Variants in RFX3 observed in about 807,000 individuals in gnomAD.
RFX3 encodes transcription factor RFX3.
A neutral mutation model predicts 98.6 loss-of-function variants in RFX3; 14 were observed. That is an observed-to-expected ratio of 0.14 (90% CI 0.09 to 0.22). The LOEUF (loss-of-function observed/expected upper bound fraction) is 0.22. Ranked by LOEUF, RFX3 falls within the 10% of genes least tolerant of loss-of-function variation. RFX3 has a pLI of 1.00. For synonymous variants in RFX3, 383 were observed against 328.4 expected (o/e 1.17, Z -1.80); for missense variants, 639 against 926.9 (o/e 0.69, Z 4.03).
chr9:3,266,156 AT>A lies in RFX3; in HGVS notation c.1455+51del, dbSNP rs914039422. Reference sequence around the variant, plus strand: ...TGATAGGATAGATGTAAAGTTCACAATTCAGAATAATTTCCTCAACACAAAA... The same window carrying A: ...TGATAGGATAGATGTAAAGTTCACAATCAGAATAATTTCCTCAACACAAAA... On this transcript the variant is annotated intron_variant, in intron 12 of 16. Coordinates refer to ENST00000617270, the MANE Select transcript of RFX3 (RefSeq NM_001282116.2). 6.4e-6 allele frequency: 7 copies of A among 1,097,740 alleles called. No individual in the cohort carries two copies. In the African/African-American group the frequency reaches 1.1e-4, roughly 17 times the overall value. The allele number at this position is 1,097,740 out of a possible 1,614,324, so 68.0% of individuals were successfully genotyped here. A position where few individuals can be genotyped will look rare whatever the true frequency, so the allele number is the denominator to read the frequency against.
intron 4 of RFX3, among the ~76,000 whole-genome samples, chr9:3,311,374 G>A (rs901602391): frequency 9.2e-5 from 14 of 152,164 alleles, no homozygotes; most frequent in African/African-American, 3.4e-4. Context: ...TGTGATGGCT[G>A]GCATCAGCAT....
rs778103374 is a variant in RFX3 at position 3,293,199 on chromosome 9, A to T, written c.609T>A (p.Thr203=). 6.2e-7 allele frequency: 1 copy of T among 1,612,636 alleles called. No individual in the cohort carries two copies. The highest frequency in any genetic ancestry group is 2.2e-5 in the East Asian group (1 of 44,742). The change falls in exon 6 of 17, where the codon ACT becomes ACA. Residue 203 remains threonine (T), a synonymous_variant. Coordinates refer to ENST00000617270, the MANE Select transcript of RFX3 (RefSeq NM_001282116.2). ...TAEGVSLPRS[T]LYNHYLRHCQ... ...AGTGTCGAAGGTAGTGGTTGTACAG[A>T]GTGCTTCTGGGAAGGCTCACTCCTT...
At chr9:3,363,022 G>A (rs1836635608) in intron 2 of RFX3, among the ~76,000 whole-genome samples, 2 of 152,304 alleles carry the variant, frequency 1.3e-5, no homozygotes, top group South Asian at 4.1e-4. Flanking sequence ...TTCTTACAAA[G>A]TGAGTAGCAT....
chr9:3,426,300 C>T (rs1194405231), intron 1 of RFX3, among the ~76,000 whole-genome samples: 1 of 151,622 alleles, frequency 6.6e-6, no homozygotes, highest in Non-Finnish European at 1.5e-5. Context: ...GTGTAATTAG[C>T]ATATCCATCA....
At chr9:3,249,028 ATG>A (rs533455518) in intron 14 of RFX3, among the ~76,000 whole-genome samples, 1 of 151,702 alleles carries the variant, frequency 6.6e-6, no homozygotes, top group African/African-American at 2.4e-5. Flanking sequence ...AATCAGAGTG[ATG>A]TGTGTGTGTG....
At chr9:3,398,704 A>G (rs924928827) in intron 1 of RFX3, among the ~76,000 whole-genome samples, 7 of 151,858 alleles carry the variant, frequency 4.6e-5, no homozygotes, top group Non-Finnish European at 7.4e-5. Context: ...GGAATGTTCC[A>G]GAGTCTAACT....
At chr9:3,492,619 G>T (rs890991617) in intron 1 of RFX3, among the ~76,000 whole-genome samples, 6 of 152,168 alleles carry the variant, frequency 3.9e-5, no homozygotes, top group African/African-American at 1.4e-4. Flanking sequence ...CTTGCAAGGG[G>T]TGGGGCAACA....
intron 1 of RFX3, among the ~76,000 whole-genome samples, chr9:3,452,932 C>G (rs1373617240): frequency 2.6e-5 from 4 of 152,074 alleles, no homozygotes; most frequent in Admixed American, 6.5e-5. Context: ...TCTTTTGTAC[C>G]AAATCAGCCG....
At chr9:3,293,699 G>T (rs1223708571) in intron 5 of RFX3, among the ~76,000 whole-genome samples, 2 of 152,068 alleles carry the variant, frequency 1.3e-5, no homozygotes, top group African/African-American at 2.4e-5. Flanking sequence ...ACAGCAGGCT[G>T]CCTGGTATGA....
intron 1 of RFX3, among the ~76,000 whole-genome samples, chr9:3,477,345 C>A (rs370602412): frequency 6.6e-6 from 1 of 152,138 alleles, no homozygotes; most frequent in Non-Finnish European, 1.5e-5. Context: ...TCATTTCAAC[C>A]TGAAAGACTC....
At chr9:3,283,941 A>G (rs914479827) in intron 7 of RFX3, among the ~76,000 whole-genome samples, 7 of 151,878 alleles carry the variant, frequency 4.6e-5, no homozygotes, top group African/African-American at 1.4e-4. Context: ...CCTGGTTGCT[A>G]TATGACTGTG....
At chr9:3,468,707 C>G (rs886291810) in intron 1 of RFX3, among the ~76,000 whole-genome samples, 4 of 150,242 alleles carry the variant, frequency 2.7e-5, no homozygotes, top group African/African-American at 9.8e-5. Flanking sequence ...AAAGAAAAAG[C>G]TAATTATCTG....
At chr9:3,374,713 T>C (rs1277313863) in intron 2 of RFX3, among the ~76,000 whole-genome samples, 1 of 152,064 alleles carries the variant, frequency 6.6e-6, no homozygotes, top group Non-Finnish European at 1.5e-5. Flanking sequence ...AATGGGAAAT[T>C]GTAATGGGTA....
intron 7 of RFX3, among the ~76,000 whole-genome samples, chr9:3,279,684 A>C (rs1051218255): frequency 6.6e-6 from 1 of 151,892 alleles, no homozygotes; most frequent in Non-Finnish European, 1.5e-5. Context: ...CTAACTGCGC[A>C]CAATGCTTAG....
chr9:3,324,698 C>A (rs1587070648), intron 4 of RFX3, among the ~76,000 whole-genome samples: 1 of 151,948 alleles, frequency 6.6e-6, no homozygotes, highest in South Asian at 2.1e-4. Context: ...AGTGGTGGCT[C>A]ATGCCTGTAA....
intron 1 of RFX3, among the ~76,000 whole-genome samples, chr9:3,424,300 C>T (rs1295444324): frequency 6.6e-6 from 1 of 150,734 alleles, no homozygotes. Context: ...CATCATCTTC[C>T]CACATTTGGG....
At chr9:3,422,000 C>T (rs1407540500) in intron 1 of RFX3, among the ~76,000 whole-genome samples, 1 of 117,360 alleles carries the variant, frequency 8.5e-6, no homozygotes, top group Admixed American at 7.7e-5. Flanking sequence ...AGTGACTCTT[C>T]TAAAAAAAAA....
rs116061529 is a variant in RFX3 at position 3,260,738 on chromosome 9, G to A, written c.1605+2197C>T. Among the ~76,000 whole-genome samples, 977 of 151,502 alleles carry A rather than the reference G, an allele frequency of 6.4e-3. 3 individuals are homozygous for A. The highest frequency in any genetic ancestry group is 0.022 in the African/African-American group (926 of 41,450). On this transcript the variant is annotated intron_variant, in intron 13 of 16. Coordinates refer to ENST00000617270, the MANE Select transcript of RFX3 (RefSeq NM_001282116.2). ...CCCACGGAAATATGTAAAGTAAATG[G>A]TTTTGTAAAGCTGAGAAACTTTGTT...
rs187565183 is a variant in RFX3 at position 3,266,872 on chromosome 9, T to C, written c.1358-567A>G. ...GAATTGAAATTTTTGGGCAATTATT[T>C]TCCATTTCATTTGGCAGGTAGAGGT... is the stretch of plus-strand genomic sequence containing the variant. On this transcript the variant is annotated intron_variant, in intron 11 of 16. Transcript: ENST00000617270. 6.5e-3 allele frequency among the ~76,000 whole-genome samples: 995 copies of C among 152,150 alleles called. 3 individuals are homozygous for C. Among genetic ancestry groups the C allele is most frequent in the African/African-American group, 0.023 (944 of 41,550 alleles).
Sources: gnomAD v4.1 joint callset for allele counts (sites outside exome capture counted in the v4.1 genomes callset) on GRCh38, gnomAD v4.1.1 for gene constraint, MANE v1.5 for transcripts, NCBI Gene and HGNC (gene_info 2026-07-23, HGNC 2026-07-21) for gene names.